NOS1AP: variants seen among roughly 807,000 people sequenced by gnomAD.
The protein encoded by NOS1AP is carboxyl-terminal PDZ ligand of neuronal nitric oxide synthase protein.
NOS1AP carries 21 observed loss-of-function variants against 56.2 expected under a neutral mutation model. The observed-to-expected ratio is 0.37, with a 90% CI of 0.26 to 0.54. NOS1AP has a LOEUF of 0.54. NOS1AP is among the 20% of genes least tolerant of loss of function. The pLI is 0.84. For synonymous variants in NOS1AP, 270 were observed against 274.6 expected (o/e 0.98, Z 0.17); for missense variants, 522 against 657.8 (o/e 0.79, Z 2.26).
At chr1:162,316,144 T>TA (rs1031426005) in intron 4 of NOS1AP, among the ~76,000 whole-genome samples, 23 of 152,212 alleles carry the variant, frequency 1.5e-4, no homozygotes, top group South Asian at 2.1e-4. Flanking sequence ...CCCACCTATA[T>TA]AAAAAAAGTG....
intron 2 of NOS1AP, among the ~76,000 whole-genome samples, chr1:162,244,228 T>C (rs1002446549): frequency 5.9e-5 from 9 of 152,240 alleles, no homozygotes; most frequent in Middle Eastern, 3.4e-3. Context: ...AGATTCTGCT[T>C]GACAGGTGCT....
chr1:162,122,844 T>C (rs1238823268), intron 1 of NOS1AP, among the ~76,000 whole-genome samples: 2 of 152,184 alleles, frequency 1.3e-5, no homozygotes, highest in Non-Finnish European at 1.5e-5. Flanking sequence ...GGATTTAAAC[T>C]TCTTTAATTT....
chr1:162,353,505 T>C (rs1346884143), intron 6 of NOS1AP, among the ~76,000 whole-genome samples: 3 of 152,232 alleles, frequency 2.0e-5, no homozygotes, highest in African/African-American at 7.2e-5. Flanking sequence ...AGCAGCCTTC[T>C]CCTGCAGCCT....
chr1:162,198,895 C>G (rs976568861), intron 2 of NOS1AP, among the ~76,000 whole-genome samples: 1 of 152,096 alleles, frequency 6.6e-6, no homozygotes, highest in Non-Finnish European at 1.5e-5. Context: ...CATATTTCAC[C>G]CAAGGACTTG....
At chr1:162,310,470 G>A (rs1655987998) in intron 4 of NOS1AP, among the ~76,000 whole-genome samples, 1 of 152,188 alleles carries the variant, frequency 6.6e-6, no homozygotes, top group South Asian at 2.1e-4. Flanking sequence ...TATCATTTCT[G>A]GGCCAGCCCA....
intron 2 of NOS1AP, among the ~76,000 whole-genome samples, chr1:162,233,234 C>A (rs886769994): frequency 6.6e-6 from 1 of 152,126 alleles, no homozygotes; most frequent in Non-Finnish European, 1.5e-5. Context: ...TATATGGAAC[C>A]CCTGGTGTTG....
At chr1:162,285,428 C>T (rs1447565503) in intron 2 of NOS1AP, among the ~76,000 whole-genome samples, 2 of 152,182 alleles carry the variant, frequency 1.3e-5, no homozygotes, top group African/African-American at 4.8e-5. Context: ...TGAGTTCATC[C>T]AGCACTGCAG....
intron 2 of NOS1AP, among the ~76,000 whole-genome samples, chr1:162,271,009 C>T (rs748406553): frequency 1.3e-5 from 2 of 152,186 alleles, no homozygotes; most frequent in Non-Finnish European, 2.9e-5. Flanking sequence ...GGGAAGCTGG[C>T]TGCTTTGCGT....
Position 162,190,431 on chromosome 1 carries a change from T to G in NOS1AP, c.177+35955T>G, listed in dbSNP as rs151314971. On this transcript the variant is annotated intron_variant, in intron 2 of 9. Transcript: ENST00000361897. ...GTGCACAATGTGCAGGTTAGTTACA[T>G]ATGTATACATGTTCTGAACACATTT... Among the ~76,000 whole-genome samples, 413 of 152,306 alleles carry G rather than the reference T, an allele frequency of 2.7e-3. 2 individuals carry two copies. Among genetic ancestry groups the G allele is most frequent in the African/African-American group, 9.4e-3 (392 of 41,576 alleles).
chr1:162,274,640 A>G (rs1354257789), intron 2 of NOS1AP, among the ~76,000 whole-genome samples: 7 of 152,192 alleles, frequency 4.6e-5, no homozygotes, highest in Non-Finnish European at 1.0e-4. Flanking sequence ...TGAATACCCT[A>G]TTGTCTTAGG....
At chr1:162,234,373 A>G (rs1048429207) in intron 2 of NOS1AP, among the ~76,000 whole-genome samples, 1 of 152,176 alleles carries the variant, frequency 6.6e-6, no homozygotes, top group African/African-American at 2.4e-5. Flanking sequence ...TATTCCATAG[A>G]TAGTGGGAAA....
intron 2 of NOS1AP, among the ~76,000 whole-genome samples, chr1:162,218,277 G>A (rs575101538): frequency 1.3e-5 from 2 of 152,144 alleles, no homozygotes; most frequent in Non-Finnish European, 2.9e-5. Flanking sequence ...CTTGCTCTGG[G>A]TTTATGCAAA....
intron 4 of NOS1AP, among the ~76,000 whole-genome samples, chr1:162,301,314 G>A (rs1420818469): frequency 6.6e-6 from 1 of 152,102 alleles, no homozygotes; most frequent in African/African-American, 2.4e-5. Context: ...TTTATAAAAA[G>A]AGGCCCCAGA....
chr1:162,349,738 G>A (rs148634496), intron 6 of NOS1AP, among the ~76,000 whole-genome samples: 6 of 152,306 alleles, frequency 3.9e-5, no homozygotes, highest in Admixed American at 6.5e-5. Context: ...GACCTCATCT[G>A]TACAGTGAGG....
intron 7 of NOS1AP, 50 bp downstream of exon 7, chr1:162,355,403 G>C (rs755060389): frequency 5.0e-6 from 8 of 1,609,110 alleles, no homozygotes; most frequent in African/African-American, 4.0e-5. Flanking sequence ...GTGCCCTCAG[G>C]TCATCAGTCA....
intron 4 of NOS1AP, among the ~76,000 whole-genome samples, chr1:162,321,731 A>AAAAAAAAATATATAT (rs1480278757): frequency 7.8e-6 from 1 of 128,494 alleles, no homozygotes; most frequent in African/African-American, 2.9e-5. Context: ...AAAAAAAAAA[A>AAAAAAAAATATATAT]ATATATATAT....
intron 2 of NOS1AP, among the ~76,000 whole-genome samples, chr1:162,173,177 G>A (rs944588759): frequency 2.8e-4 from 43 of 152,216 alleles, no homozygotes; most frequent in African/African-American, 9.2e-4. Flanking sequence ...TTTTGCACCC[G>A]TCTAATATTT....
At chr1:162,292,246 T>A (rs147348100) in intron 3 of NOS1AP, among the ~76,000 whole-genome samples, 9 of 152,376 alleles carry the variant, frequency 5.9e-5, no homozygotes, top group African/African-American at 2.2e-4. Flanking sequence ...GTTATTTATC[T>A]CTTTCCCCCA....
At chr1:162,154,130 C>T (rs1261048082) in intron 1 of NOS1AP, among the ~76,000 whole-genome samples, 1 of 152,164 alleles carries the variant, frequency 6.6e-6, no homozygotes, top group Non-Finnish European at 1.5e-5. Flanking sequence ...AGAGTCTTCA[C>T]ACCCAAGGCT....
Sources: gnomAD v4.1 joint callset for allele counts (sites outside exome capture counted in the v4.1 genomes callset) on GRCh38, gnomAD v4.1.1 for gene constraint, MANE v1.5 for transcripts, NCBI Gene and HGNC (gene_info 2026-07-23, HGNC 2026-07-21) for gene names.